Variants in SLC38A6 observed in about 807,000 individuals in gnomAD.
SLC38A6 encodes N system amino acid transporter NAT-1.
Under a neutral mutation model 65.0 loss-of-function variants are expected in SLC38A6, and 73 were observed. The observed-to-expected ratio is 1.12, with a 90% CI of 0.93 to 1.37. SLC38A6 has a LOEUF of 1.37. Among genes scored for constraint, SLC38A6 ranks in the 40% most tolerant of loss-of-function variants. The pLI is 0.00. For missense variants in SLC38A6, 561 were observed against 531.1 expected (o/e 1.06, Z -0.55); for synonymous variants, 183 against 178.8 (o/e 1.02, Z -0.19).
chr14:61,063,080 T>G (rs537584992), intron 15 of SLC38A6, among the ~76,000 whole-genome samples: 1 of 152,308 alleles, frequency 6.6e-6, no homozygotes, highest in Non-Finnish European at 1.5e-5. Flanking sequence ...GCAGAAGTGT[T>G]TAAATGTTCT....
At chr14:61,016,945 C>G (rs2040048237) in intron 4 of SLC38A6, among the ~76,000 whole-genome samples, 1 of 152,156 alleles carries the variant, frequency 6.6e-6, no homozygotes, top group African/African-American at 2.4e-5. Flanking sequence ...CTGTAACTGG[C>G]TAAACTAACT....
chr14:61,053,522 C>T (rs2042604167), downstream of SLC38A6, among the ~76,000 whole-genome samples: 1 of 151,986 alleles, frequency 6.6e-6, no homozygotes, highest in African/African-American at 2.4e-5. Flanking sequence ...ATAAATGTTC[C>T]CTTTTGTCCA....
At chr14:61,026,242 C>T (rs1220439340) in intron 5 of SLC38A6, among the ~76,000 whole-genome samples, 1 of 151,982 alleles carries the variant, frequency 6.6e-6, no homozygotes, top group East Asian at 1.9e-4. Context: ...TATTTGGAAG[C>T]ACAGAGACTG....
At chr14:61,024,037 C>A (rs1462896331) in intron 5 of SLC38A6, among the ~76,000 whole-genome samples, 1 of 152,026 alleles carries the variant, frequency 6.6e-6, no homozygotes, top group Non-Finnish European at 1.5e-5. Flanking sequence ...AGTTGATTGA[C>A]CAGGAAGAGA....
chr14:60,982,492 A>G lies in SLC38A6; in HGVS notation c.106-16A>G, dbSNP rs763442997. ...CCGTCCAAACATTTAACACTACTAA[A>G]TTTGTGTGCTTACAGGAACTTCACA... On this transcript the variant is annotated splice_polypyrimidine_tract_variant and intron_variant, in intron 1 of 15. Coordinates refer to ENST00000267488, the MANE Select transcript of SLC38A6 (RefSeq NM_153811.3). 3 of 1,601,668 alleles carry G rather than the reference A, an allele frequency of 1.9e-6. No homozygotes were observed. The highest frequency in any genetic ancestry group is 3.5e-5 in the Admixed American group (2 of 56,840).
intron 10 of SLC38A6, 57 bp from the exon 11 acceptor site, chr14:61,045,289 A>G: frequency 9.0e-7 from 1 of 1,110,078 alleles, no homozygotes; most frequent in Non-Finnish European, 1.4e-6. Context: ...GTCAAATGAA[A>G]TAATGGTTTC....
intron 3 of SLC38A6, among the ~76,000 whole-genome samples, chr14:61,012,815 G>A (rs919635473): frequency 7.9e-5 from 12 of 152,016 alleles, no homozygotes; most frequent in Non-Finnish European, 1.5e-4. Context: ...TATGTGGTCA[G>A]TTTTGGAATA....
intron 3 of SLC38A6, among the ~76,000 whole-genome samples, chr14:61,014,648 A>T (rs2039855700): frequency 6.6e-6 from 1 of 152,086 alleles, no homozygotes; most frequent in Non-Finnish European, 1.5e-5. Context: ...CTGGAAGTCC[A>T]CTCCAGACCC....
At chr14:60,983,348 T>C (rs2037214641) in intron 2 of SLC38A6, among the ~76,000 whole-genome samples, 1 of 151,986 alleles carries the variant, frequency 6.6e-6, no homozygotes, top group African/African-American at 2.4e-5. Flanking sequence ...AAAATTAGCC[T>C]GGTATGGTGG....
intron 3 of SLC38A6, among the ~76,000 whole-genome samples, chr14:61,012,692 T>C (rs1412824433): frequency 6.6e-6 from 1 of 151,550 alleles, no homozygotes; most frequent in Non-Finnish European, 1.5e-5. Context: ...AGTTGAGCGG[T>C]GTTGAGTTAG....
intron 5 of SLC38A6, among the ~76,000 whole-genome samples, chr14:61,020,546 G>A (rs937347162): frequency 6.6e-6 from 1 of 152,008 alleles, no homozygotes; most frequent in Non-Finnish European, 1.5e-5. Context: ...TTCCACCAGT[G>A]AATTGTGCTG....
rs561411261 is a variant in SLC38A6, at chr14:61,006,178, C to T, written c.311-9726C>T. On this transcript the variant is annotated intron_variant, in intron 3 of 15. Coordinates refer to ENST00000267488, the MANE Select transcript of SLC38A6 (RefSeq NM_153811.3). The stretch of plus-strand genomic sequence containing the variant: ...CTTACACCTTATACAAAAATTAATT[C>T]AAGATGGATTAAAGACTTAAACATT... Among the ~76,000 whole-genome samples, 120 of 152,212 alleles carry T rather than the reference C, an allele frequency of 7.9e-4. 1 individual carries two copies. Among genetic ancestry groups the T allele is most frequent in the Non-Finnish European group, 1.3e-3 (90 of 68,016 alleles).
At chr14:61,014,458 C>G (rs987325958) in intron 3 of SLC38A6, among the ~76,000 whole-genome samples, 6 of 152,204 alleles carry the variant, frequency 3.9e-5, no homozygotes, top group Non-Finnish European at 2.9e-5. Flanking sequence ...AACAGAGGTG[C>G]TCTGATTTTT....
intron 10 of SLC38A6, 61 bp from the exon 11 acceptor site, chr14:61,045,285 T>C (rs915239633): frequency 4.0e-5 from 43 of 1,071,244 alleles, no homozygotes; most frequent in Middle Eastern, 4.2e-4. Flanking sequence ...TGTTGTCAAA[T>C]GAAATAATGG....
chr14:60,982,466 A>C, intron 1 of SLC38A6, 42 bp from the exon 2 acceptor site: 1 of 1,580,750 alleles, frequency 6.3e-7, no homozygotes, highest in South Asian at 1.2e-5. Context: ...TTTTAACTTC[A>C]CCGTCCAAAC....
intron 6 of SLC38A6, among the ~76,000 whole-genome samples, chr14:61,033,345 A>T (rs1489223132): frequency 6.6e-6 from 1 of 152,054 alleles, no homozygotes; most frequent in African/African-American, 2.4e-5. Context: ...TTTATACTCT[A>T]TATTTCATAC....
chr14:61,071,699 A>T (rs1181166456), intron 15 of SLC38A6, among the ~76,000 whole-genome samples: 4 of 151,964 alleles, frequency 2.6e-5, no homozygotes, highest in African/African-American at 9.7e-5. Context: ...AAAAAAAGGA[A>T]AAAAGAAGAT....
intron 16 of SLC38A6, among the ~76,000 whole-genome samples, chr14:61,080,607 T>C (rs745543995): frequency 6.6e-6 from 1 of 152,242 alleles, no homozygotes; most frequent in Non-Finnish European, 1.5e-5. Context: ...TGGTTTGATT[T>C]GCATGGGGAG....
chr14:61,014,300 G>C (rs1458809743), intron 3 of SLC38A6, among the ~76,000 whole-genome samples: 12 of 152,002 alleles, frequency 7.9e-5, no homozygotes, highest in Admixed American at 2.0e-4. Flanking sequence ...TTTTTTTCAA[G>C]GTTTTTAACT....
Sources: allele counts gnomAD v4.1 joint callset (sites outside exome capture counted in the v4.1 genomes callset), GRCh38; gene constraint gnomAD v4.1.1; transcripts MANE v1.5; gene names NCBI Gene and HGNC (gene_info 2026-07-23, HGNC 2026-07-21).